The following STXBP4 variants were observed in gnomAD, a reference collection of about 807,000 sequenced individuals.
The protein encoded by STXBP4 is syntaxin binding protein 4.
Under a neutral mutation model 76.1 loss-of-function variants are expected in STXBP4, and 55 were observed. The observed-to-expected ratio is 0.72, with a 90% confidence interval of 0.58 to 0.91. STXBP4 has a LOEUF of 0.91. Among genes scored for constraint, STXBP4 ranks in the 40% least tolerant of loss-of-function variants. The probability of loss-of-function intolerance (pLI) is 0.00; values close to 1 mark genes in which losing one functional copy is unlikely to be tolerated. For missense variants in STXBP4, 618 were observed against 636.9 expected (o/e 0.97, Z 0.32); for synonymous variants, 201 against 220.2 (o/e 0.91, Z 0.77).
intron 9 of STXBP4, among the ~76,000 whole-genome samples, chr17:55,033,339 A>G (rs769934459): frequency 3.3e-5 from 5 of 152,144 alleles, no homozygotes; most frequent in Non-Finnish European, 5.9e-5. Context: ...GTGCCACTGC[A>G]CTCCAGCCTG....
chr17:55,024,241 A>T (rs912699117), intron 8 of STXBP4, among the ~76,000 whole-genome samples: 2 of 152,238 alleles, frequency 1.3e-5, no homozygotes, highest in African/African-American at 4.8e-5. Context: ...ACCTGCTCAC[A>T]TCGTTTAACC....
At chr17:55,098,545 T>A (rs2079523737) in intron 16 of STXBP4, among the ~76,000 whole-genome samples, 1 of 152,170 alleles carries the variant, frequency 6.6e-6, no homozygotes, top group African/African-American at 2.4e-5. Context: ...GTAAGCCATA[T>A]AGCTCTCTGA....
At chr17:55,114,823 A>G (rs2079762124) in intron 16 of STXBP4, among the ~76,000 whole-genome samples, 2 of 151,860 alleles carry the variant, frequency 1.3e-5, no homozygotes, top group Admixed American at 6.6e-5. Context: ...ATTGAACACA[A>G]TGGGCCCTTT....
At chr17:55,021,912 C>T (rs1296632844) in intron 8 of STXBP4, among the ~76,000 whole-genome samples, 6 of 152,086 alleles carry the variant, frequency 3.9e-5, no homozygotes, top group African/African-American at 1.4e-4. Context: ...AATAATTCCT[C>T]ATTTAAGAAA....
intron 3 of STXBP4, among the ~76,000 whole-genome samples, chr17:54,990,317 C>A (rs961547092): frequency 7.2e-5 from 11 of 152,154 alleles, no homozygotes; most frequent in Admixed American, 4.6e-4. Flanking sequence ...GAGTCTAGGG[C>A]AAGTAAGCAT....
chr17:55,061,253 CAAT>C (rs1327637914), intron 12 of STXBP4, among the ~76,000 whole-genome samples: 4 of 152,102 alleles, frequency 2.6e-5, no homozygotes, highest in African/African-American at 9.7e-5. Context: ...AAAGGAACAA[CAAT>C]AATAAGTGAT....
At chr17:55,079,716 G>A (rs1349223308) in intron 15 of STXBP4, among the ~76,000 whole-genome samples, 1 of 152,020 alleles carries the variant, frequency 6.6e-6, no homozygotes. Flanking sequence ...GATTGAGGCT[G>A]CAATGAGCTG....
chr17:55,147,131 G>A (rs1307452623), intron 17 of STXBP4, among the ~76,000 whole-genome samples: 1 of 152,156 alleles, frequency 6.6e-6, no homozygotes, highest in Non-Finnish European at 1.5e-5. Context: ...AATTGTCTCT[G>A]TCCATTACTT....
intron 16 of STXBP4, among the ~76,000 whole-genome samples, chr17:55,108,579 CTG>C (rs764926395): frequency 7.2e-5 from 11 of 152,336 alleles, no homozygotes; most frequent in Non-Finnish European, 1.6e-4. Flanking sequence ...GTTGCGAAGA[CTG>C]TGGGAAAAGC....
chr17:55,039,071 T>A (rs543663979), intron 10 of STXBP4, among the ~76,000 whole-genome samples: 9 of 152,324 alleles, frequency 5.9e-5, no homozygotes, highest in African/African-American at 2.2e-4. Context: ...TGTTTTGTTA[T>A]GTGCACATGT....
At chr17:55,188,944 T>C in the STXBP4 span, among the ~76,000 whole-genome samples, 2 of 152,202 alleles carry the variant, frequency 1.3e-5, no homozygotes, top group Non-Finnish European at 2.9e-5. Context: ...TTTCATTCTT[T>C]TTTTAGTCAC....
rs1462665224 is a variant in STXBP4 at position 55,129,143 on chromosome 17, T to C, written c.1490-12167T>C. On this transcript the variant is annotated intron_variant, in intron 16 of 17. Transcript: ENST00000376352. The stretch of plus-strand genomic sequence containing the variant: ...CAGGGTTTCACCGTGTTGGCCAGGA[T>C]GGTCTCGATCTCTTCACCTTGTGAT... Among the ~76,000 whole-genome samples the C allele has an allele frequency of 2.0e-5, 3 of 151,724 alleles. No homozygotes were observed. The East Asian group carries it at 5.8e-4, about 29-fold the overall frequency.
chr17:55,176,698 G>T (rs2080432241), downstream of STXBP4, among the ~76,000 whole-genome samples: 1 of 152,162 alleles, frequency 6.6e-6, no homozygotes, highest in South Asian at 2.1e-4. Flanking sequence ...GTCTGTGAGG[G>T]TGTTTCTGAA....
chr17:55,058,212 A>G (rs1402479021), intron 12 of STXBP4, among the ~76,000 whole-genome samples: 3 of 152,154 alleles, frequency 2.0e-5, no homozygotes, highest in Non-Finnish European at 2.9e-5. Flanking sequence ...CCTCTCCAGC[A>G]TCTGTGTTTC....
At position 55,167,878 on chromosome 17, in the gene STXBP4, C is replaced by G. The variant is rs1482065981; in HGVS notation, c.*7967C>G. ...CACACGAGAAGAGACAACAGGAAGA[C>G]AAAACAAATTGAGTAGATAATAAAG... On this transcript the variant is annotated 3_prime_UTR_variant, in exon 18 of 18. Transcript: ENST00000376352. 1.3e-5 allele frequency: 2 copies of G among 151,726 alleles called. No individual in the cohort carries two copies. The highest frequency in any genetic ancestry group is 3.9e-4 in the East Asian group (2 of 5,162). 9.4% of individuals were successfully genotyped at this position (151,726 alleles called of 1,614,324 possible).
At chr17:55,008,972 G>T (rs1180408374) in intron 8 of STXBP4, among the ~76,000 whole-genome samples, 1 of 152,108 alleles carries the variant, frequency 6.6e-6, no homozygotes, top group African/African-American at 2.4e-5. Context: ...AACTATTATA[G>T]TTCGGACCAA....
At chr17:55,000,290 A>G (rs1208424977) in intron 6 of STXBP4, 4 of 983,880 alleles carry the variant, frequency 4.1e-6, no homozygotes, top group African/African-American at 1.7e-5. Context: ...TGTGCATGCT[A>G]TAGTTCACCC....
At chr17:55,039,243 G>C (rs1333021360) in intron 10 of STXBP4, among the ~76,000 whole-genome samples, 1 of 152,018 alleles carries the variant, frequency 6.6e-6, no homozygotes, top group Non-Finnish European at 1.5e-5. Context: ...TAAATTTTGA[G>C]GGATAAATAG....
intron 6 of STXBP4, 55 bp downstream of exon 6, chr17:54,999,897 C>A: frequency 1.8e-6 from 2 of 1,133,512 alleles, no homozygotes; most frequent in African/African-American, 1.6e-5. Context: ...ATTCCCTATA[C>A]ATTTTTACAT....
Sources: allele counts gnomAD v4.1 joint callset (sites outside exome capture counted in the v4.1 genomes callset), GRCh38; gene constraint gnomAD v4.1.1; transcripts MANE v1.5; gene names NCBI Gene and HGNC (gene_info 2026-07-23, HGNC 2026-07-21).